Variants in TASP1 observed in about 807,000 individuals in gnomAD.
TASP1 encodes taspase 1, also known as threonine aspartase 1.
A neutral mutation model predicts 56.6 loss-of-function variants in TASP1; 16 were observed. The ratio of observed to expected loss-of-function variants is 0.28; its 90% CI spans 0.19 to 0.43. The LOEUF (loss-of-function observed/expected upper bound fraction) is 0.43, where lower values mean the gene tolerates loss of function less well. Among genes scored for constraint, TASP1 ranks in the 20% least tolerant of loss-of-function variants. TASP1 has a pLI of 1.00. For synonymous variants in TASP1, 179 were observed against 184.2 expected (o/e 0.97, Z 0.23); for missense variants, 393 against 511.6 (o/e 0.77, Z 2.24).
chr20:13,117,325 A>G, the TASP1 span, among the ~76,000 whole-genome samples: 2 of 152,258 alleles, frequency 1.3e-5, no homozygotes, highest in Admixed American at 6.5e-5. Flanking sequence ...TCCAAGTAGC[A>G]TAGAAATGCC....
chr20:13,396,823 C>G lies in TASP1; in HGVS notation c.1171-6371G>C, dbSNP rs6042067. Among the ~76,000 whole-genome samples the G allele has an allele frequency of 1.9e-3, 284 of 152,250 alleles. 1 individual carries two copies. The highest frequency in any genetic ancestry group is 6.3e-3 in the African/African-American group (261 of 41,550). On this transcript the variant is annotated intron_variant, in intron 13 of 13. Coordinates refer to ENST00000337743, the MANE Select transcript of TASP1 (RefSeq NM_017714.3). ...CCAGATGAAACACAAAGATGACATT[C>G]GGGTAAATTTCATTGTTAGCACTGA...
At chr20:13,566,657 G>A (rs901094680) in intron 7 of TASP1, among the ~76,000 whole-genome samples, 2 of 152,114 alleles carry the variant, frequency 1.3e-5, no homozygotes, top group Non-Finnish European at 2.9e-5. Context: ...TATATTAGTG[G>A]CTATCGGGGT....
intron 4 of TASP1, among the ~76,000 whole-genome samples, chr20:13,598,144 G>A (rs111815238): frequency 3.9e-5 from 6 of 152,220 alleles, no homozygotes; most frequent in African/African-American, 1.4e-4. Context: ...TCCCCATCAA[G>A]CTACCAATGA....
At chr20:13,575,802 T>C (rs1041413720) in intron 6 of TASP1, among the ~76,000 whole-genome samples, 1 of 152,128 alleles carries the variant, frequency 6.6e-6, no homozygotes, top group African/African-American at 2.4e-5. Flanking sequence ...TTCTCTACCA[T>C]ATACCGCATT....
At chr20:13,152,954 C>A in the TASP1 span, among the ~76,000 whole-genome samples, 2 of 152,196 alleles carry the variant, frequency 1.3e-5, no homozygotes, top group African/African-American at 2.4e-5. Context: ...TATTGTATAA[C>A]CTCTAGAGCA....
At chr20:13,496,895 C>T (rs369038799) in intron 10 of TASP1, among the ~76,000 whole-genome samples, 4 of 152,202 alleles carry the variant, frequency 2.6e-5, no homozygotes, top group African/African-American at 9.6e-5. Context: ...AAAAGATAAG[C>T]CTTTCCTATG....
the TASP1 span, among the ~76,000 whole-genome samples, chr20:13,180,007 C>T: frequency 1.2e-3 from 188 of 152,278 alleles, no homozygotes; most frequent in African/African-American, 4.1e-3. Flanking sequence ...AAACAGCCTG[C>T]CCTTCTCTGA....
chr20:13,236,847 C>G, the TASP1 span, among the ~76,000 whole-genome samples: 1 of 152,236 alleles, frequency 6.6e-6, no homozygotes, highest in African/African-American at 2.4e-5. Context: ...AGGTGGGTTC[C>G]CATGGTCTTG....
At chr20:13,371,215 C>T in the TASP1 span, among the ~76,000 whole-genome samples, 4 of 152,072 alleles carry the variant, frequency 2.6e-5, no homozygotes, top group South Asian at 2.1e-4. Flanking sequence ...CTTTGAGCTT[C>T]GTTTGCTCTT....
At chr20:13,616,870 G>T (rs1961218384) in intron 4 of TASP1, 1 of 321,064 alleles carries the variant, frequency 3.1e-6, no homozygotes, top group East Asian at 9.0e-5. Flanking sequence ...TACTGTCCCA[G>T]GCTAAATGGG....
the TASP1 span, among the ~76,000 whole-genome samples, chr20:13,381,656 G>T: frequency 1.3e-5 from 2 of 152,142 alleles, no homozygotes; most frequent in Non-Finnish European, 2.9e-5. Context: ...AGTACCAGGA[G>T]CACCCTTATG....
chr20:13,322,875 C>T, the TASP1 span, among the ~76,000 whole-genome samples: 6 of 152,168 alleles, frequency 3.9e-5, no homozygotes, highest in African/African-American at 1.4e-4. Flanking sequence ...CCTCTCCCCA[C>T]CCCCGCTGCC....
chr20:13,336,372 C>T, the TASP1 span, among the ~76,000 whole-genome samples: 2 of 152,184 alleles, frequency 1.3e-5, no homozygotes, highest in Non-Finnish European at 2.9e-5. Context: ...CCGTCCTGCC[C>T]CCTGCCTCCT....
the TASP1 span, among the ~76,000 whole-genome samples, chr20:13,284,517 CT>C: frequency 6.6e-6 from 1 of 152,208 alleles, no homozygotes; most frequent in East Asian, 1.9e-4. Flanking sequence ...GCAGTGGCCC[CT>C]GGTAGGTGAG....
At chr20:13,393,533 T>C (rs1812562) in intron 13 of TASP1, 48,174 of 796,878 alleles carry the variant, frequency 0.06, 4,842 homozygotes, top group African/African-American at 0.37. Context: ...CCAACAGTGA[T>C]ACCCACTCTT....
the TASP1 span, among the ~76,000 whole-genome samples, chr20:13,197,258 C>G: frequency 3.9e-5 from 6 of 152,166 alleles, no homozygotes; most frequent in African/African-American, 1.4e-4. Flanking sequence ...GAGTGACCAA[C>G]CCACCTAACA....
chr20:13,361,542 C>G, the TASP1 span, among the ~76,000 whole-genome samples: 3 of 152,180 alleles, frequency 2.0e-5, no homozygotes, highest in African/African-American at 7.2e-5. Flanking sequence ...TACCACTTTC[C>G]CTTCTCAGAA....
At chr20:13,145,345 CA>C in the TASP1 span, among the ~76,000 whole-genome samples, 1 of 152,116 alleles carries the variant, frequency 6.6e-6, no homozygotes. Flanking sequence ...ACACCAACAA[CA>C]GCAAAACTGA....
intron 8 of TASP1, among the ~76,000 whole-genome samples, chr20:13,550,159 C>CACAA (rs910324120): frequency 2.0e-5 from 3 of 150,392 alleles, no homozygotes; most frequent in African/African-American, 7.4e-5. Context: ...CACACACACA[C>CACAA]ACACACACAC....
Sources: gnomAD v4.1 joint callset for allele counts (sites outside exome capture counted in the v4.1 genomes callset) on GRCh38, gnomAD v4.1.1 for gene constraint, MANE v1.5 for transcripts, NCBI Gene and HGNC (gene_info 2026-07-23, HGNC 2026-07-21) for gene names.